DEPDC5: variants seen among roughly 807,000 people sequenced by gnomAD.
The protein encoded by DEPDC5 is GATOR1 complex protein DEPDC5.
DEPDC5 carries 73 observed loss-of-function variants against 217.3 expected under a neutral mutation model. The observed-to-expected ratio is 0.34, with a 90% CI of 0.28 to 0.41. The LOEUF (loss-of-function observed/expected upper bound fraction) is 0.41, where lower values mean the gene tolerates loss of function less well. Among genes scored for constraint, DEPDC5 ranks in the 10% least tolerant of loss-of-function variants. The pLI, the probability that DEPDC5 is intolerant of heterozygous loss-of-function variation, is 1.00. For missense variants in DEPDC5, 1,675 were observed against 2,070.1 expected, an observed-to-expected ratio of 0.81 and a Z score of 3.70; for synonymous variants, 733 against 756.7, an observed-to-expected ratio of 0.97 and a Z score of 0.51.
chr22:31,805,703 G>A (rs1270652694), intron 17 of DEPDC5, among the ~76,000 whole-genome samples: 1 of 152,112 alleles, frequency 6.6e-6, no homozygotes, highest in African/African-American at 2.4e-5. Flanking sequence ...ATTTCACTGT[G>A]TTGGCCAACC....
chr22:31,767,512 C>T (rs547819415), intron 6 of DEPDC5, among the ~76,000 whole-genome samples: 3 of 152,228 alleles, frequency 2.0e-5, no homozygotes, highest in African/African-American at 7.2e-5. Context: ...TCAGGTTGGT[C>T]TCGAACTCCA....
rs751323831 is a variant in DEPDC5, at chr22:31,822,707, G to A, written c.2021G>A (p.Arg674His). ...GTTCTCTGCAGGCACAGCAATTCCC[G>A]CCAGCCTGGTGACGGCATGTCCTTC... Reference protein sequence around the residue: ...HEAAGRHSNSRQPGDGMSFLN... With the variant: ...HEAAGRHSNSHQPGDGMSFLN... Residue 674 changes from arginine to histidine, a missense_variant, in exon 24 of 43, where the codon CGC (arginine) becomes CAC (histidine). This residue lies in a region of DEPDC5 where 136 missense variants were observed against 132.2 expected (regional missense o/e 1.03). Transcript: ENST00000651528. 9 of 1,614,024 alleles carry A rather than the reference G, an allele frequency of 5.6e-6. No homozygotes were observed. The highest frequency in any genetic ancestry group is 1.7e-4 in the Middle Eastern group (1 of 6,056).
chr22:31,831,741 G>A (rs532740377), intron 24 of DEPDC5, among the ~76,000 whole-genome samples: 3 of 152,236 alleles, frequency 2.0e-5, no homozygotes, highest in African/African-American at 7.2e-5. Flanking sequence ...GATTACAGGC[G>A]TGAGCCCATC....
rs5994443 is a variant in DEPDC5 at position 31,879,367 on chromosome 22, T to C, written c.3806-158T>C. ...TTTCTTTCTCAAAGATTTGCCTATT[T>C]GCTACGTTTCACATAAATGGAACTA... On this transcript the variant is annotated intron_variant, in intron 37 of 42. Coordinates refer to ENST00000651528, the MANE Select transcript of DEPDC5 (RefSeq NM_001242896.3). Among the ~76,000 whole-genome samples the C allele has an allele frequency of 0.35, 53,476 of 151,872 alleles. 10,951 individuals are homozygous for C. Among genetic ancestry groups the C allele is most frequent in the African/African-American group, 0.57 (23,686 of 41,370 alleles).
intron 39 of DEPDC5, among the ~76,000 whole-genome samples, chr22:31,895,195 G>T (rs1190489309): frequency 2.0e-5 from 3 of 151,836 alleles, no homozygotes; most frequent in Admixed American, 6.6e-5. Context: ...GGCAGGGTGG[G>T]TGCTACTGGT....
chr22:31,901,647 A>AT (rs2093650666), intron 40 of DEPDC5, 95 bp from the exon 41 acceptor site: 1 of 1,096,482 alleles, frequency 9.1e-7, no homozygotes, highest in Admixed American at 2.0e-5. Context: ...AAGGGGACTG[A>AT]TTGCCAAGAG....
chr22:31,821,775 T>C lies in DEPDC5; in HGVS notation c.2006+138T>C, dbSNP rs2089721969. The C allele has an allele frequency of 5.0e-5, 62 of 1,234,204 alleles. 1 individual carries two copies. In the South Asian group the frequency reaches 9.2e-4, roughly 18 times the overall value. The allele number at this position is 1,234,204 out of a possible 1,614,324, so 76.5% of individuals were successfully genotyped here. On this transcript the variant is annotated intron_variant, in intron 23 of 42. Coordinates refer to ENST00000651528, the MANE Select transcript of DEPDC5 (RefSeq NM_001242896.3). ...GTATGAGGTCAGGGCCTTCCTTTGT[T>C]GGCCAGTGGCATTCCCTTCAGTTGG...
chr22:31,834,224 T>A, intron 25 of DEPDC5: 1 of 527,282 alleles, frequency 1.9e-6, no homozygotes. Context: ...GGTAGCAGAT[T>A]CCCTATAAGG....
chr22:31,821,468 G>A (rs779553866), intron 22 of DEPDC5, 34 bp from the exon 23 acceptor site: 2 of 1,611,376 alleles, frequency 1.2e-6, no homozygotes, highest in Admixed American at 3.3e-5. Flanking sequence ...GCTATCAGGT[G>A]GGAATGATGC....
At chr22:31,763,148 A>C (rs932800830) in intron 4 of DEPDC5, among the ~76,000 whole-genome samples, 3 of 151,742 alleles carry the variant, frequency 2.0e-5, no homozygotes, top group Admixed American at 1.3e-4. Flanking sequence ...ACGCCACCAC[A>C]CCTGGCTAAT....
chr22:31,819,578 C>G (rs557524306), intron 22 of DEPDC5, among the ~76,000 whole-genome samples: 49 of 151,630 alleles, frequency 3.2e-4, no homozygotes, highest in African/African-American at 1.1e-3. Context: ...AGGTGATTCT[C>G]CCACCTCAGC....
intron 33 of DEPDC5, among the ~76,000 whole-genome samples, chr22:31,865,367 G>A (rs972136105): frequency 2.0e-5 from 3 of 152,084 alleles, no homozygotes; most frequent in Admixed American, 2.0e-4. Flanking sequence ...CGTGGTGCAT[G>A]CCTGCGGTCT....
chr22:31,888,865 C>T (rs1433144376), intron 38 of DEPDC5, among the ~76,000 whole-genome samples: 3 of 152,278 alleles, frequency 2.0e-5, no homozygotes, highest in Middle Eastern at 3.4e-3. Flanking sequence ...TCTTGACGGC[C>T]CACTGGATTT....
At chr22:31,822,093 C>T (rs8138037) in intron 23 of DEPDC5, among the ~76,000 whole-genome samples, 1 of 152,286 alleles carries the variant, frequency 6.6e-6, no homozygotes, top group South Asian at 2.1e-4. Flanking sequence ...GAAATGAAGG[C>T]TTATGTTTAT....
chr22:31,856,870 A>G (rs2092324417), intron 31 of DEPDC5, among the ~76,000 whole-genome samples: 1 of 152,080 alleles, frequency 6.6e-6, no homozygotes, highest in Non-Finnish European at 1.5e-5. Context: ...CCTGAGTTCA[A>G]GTGATTCTCG....
At chr22:31,887,920 A>C (rs1188678691) in intron 38 of DEPDC5, among the ~76,000 whole-genome samples, 1 of 152,218 alleles carries the variant, frequency 6.6e-6, no homozygotes, top group African/African-American at 2.4e-5. Context: ...CAGAAAAAAA[A>C]TAACATGATT....
intron 18 of DEPDC5, among the ~76,000 whole-genome samples, chr22:31,806,624 A>C (rs2087572670): frequency 6.6e-6 from 1 of 152,248 alleles, no homozygotes; most frequent in Non-Finnish European, 1.5e-5. Flanking sequence ...GAAGCCACTC[A>C]GATACCAGTG....
chr22:31,893,636 G>A lies in DEPDC5; in HGVS notation c.4088G>A (p.Arg1363His), dbSNP rs891519551. 8 of 1,613,608 alleles carry A rather than the reference G, an allele frequency of 5.0e-6. No homozygotes were observed. The highest frequency in any genetic ancestry group is 2.2e-5 in the East Asian group (1 of 44,858). Residue 1363 changes from arginine to histidine, a missense_variant, in exon 39 of 43, where the codon CGC becomes CAC. Around this residue, in one of 11 missense-constraint regions of DEPDC5, gnomAD observed 182 missense variants for 290.1 expected, o/e 0.63. Coordinates refer to ENST00000651528, the MANE Select transcript of DEPDC5 (RefSeq NM_001242896.3). The part of the protein sequence containing the change: ...TVTLDVDVNN[R>H]TDRLEWCSCY... ...ACCCTGGATGTTGACGTGAACAACC[G>A]CACAGACCGGCTGGAGTGGTGCAGC... is the stretch of plus-strand genomic sequence containing the variant.
At chr22:31,861,657 T>A (rs565659316) in intron 33 of DEPDC5, among the ~76,000 whole-genome samples, 4 of 152,358 alleles carry the variant, frequency 2.6e-5, no homozygotes, top group African/African-American at 7.2e-5. Context: ...GTACCAGTGA[T>A]GACTCAAGTG....
Sources: allele counts gnomAD v4.1 joint callset (sites outside exome capture counted in the v4.1 genomes callset), GRCh38; gene constraint gnomAD v4.1.1; regional missense constraint gnomAD v4.1.1; transcripts MANE v1.5; gene names NCBI Gene and HGNC (gene_info 2026-07-23, HGNC 2026-07-21).